Variants in ITFG2 observed in about 807,000 individuals in gnomAD.
ITFG2 encodes the protein KICSTOR complex protein ITFG2.
Under a neutral mutation model 54.4 loss-of-function variants are expected in ITFG2, and 36 were observed. The ratio of observed to expected loss-of-function variants is 0.66; its 90% confidence interval spans 0.51 to 0.87. ITFG2 has a LOEUF of 0.87. ITFG2 is among the 40% of genes least tolerant of loss of function. ITFG2 has a pLI of 0.00. For missense variants in ITFG2, 524 were observed against 576.7 expected (o/e 0.91, Z 0.94); for synonymous variants, 211 against 225.4 (o/e 0.94, Z 0.57).
At chr12:2,840,353 T>C (rs1029330365) in intron 1 of ITFG2, among the ~76,000 whole-genome samples, 2 of 150,610 alleles carry the variant, frequency 1.3e-5, no homozygotes, top group Non-Finnish European at 2.9e-5. Context: ...CTCGGGAGAT[T>C]GAGGCATGAG....
In ITFG2 at chr12:2,845,824, A is replaced by C. The variant is rs539070386; in HGVS notation, n.300+4829A>C. Among the ~76,000 whole-genome samples, 17 of 152,196 alleles carry C rather than the reference A, an allele frequency of 1.1e-4. No homozygotes were observed. Among genetic ancestry groups the C allele is most frequent in the African/African-American group, 4.1e-4 (17 of 41,532 alleles). On this transcript the variant is annotated intron_variant and non_coding_transcript_variant, in intron 2 of 3. Coordinates refer to the ITFG2 transcript ENST00000537710. This position sits in a 1 kb window ranked among gnomAD's most constrained non-coding sequence, Gnocchi z 4.2. ...TGGGGATGGAGTAAGGAGGTTGCTC[A>C]TGCTTGCCAGCCAAGTGTATGTAGG... is the stretch of plus-strand genomic sequence containing the variant.
chr12:2,813,345 C>G lies in ITFG2; in HGVS notation c.96+489C>G, dbSNP rs567331952. Among the ~76,000 whole-genome samples the G allele has an allele frequency of 5.9e-5, 9 of 152,308 alleles. No individual in the cohort carries two copies. The South Asian group carries it at 1.9e-3, about 32-fold the overall frequency. ...AGCAGGTAAAACAATGCCTGGCACA[C>G]AGTTTAGTGCTCACTTAAGTGTTAG... On this transcript the variant is annotated intron_variant, in intron 1 of 11. Transcript: ENST00000228799.
chr12:2,849,072 G>A (rs2098061643), intron 2 of ITFG2: 1 of 672,156 alleles, frequency 1.5e-6, no homozygotes, highest in African/African-American at 1.8e-5. Flanking sequence ...AATAGCCTGG[G>A]GTACAGAGGT....
At chr12:2,859,560 T>G (rs2098104940) in exon 4 of ITFG2, 1 of 1,613,952 alleles carries the variant, frequency 6.2e-7, no homozygotes, top group African/African-American at 1.3e-5. Flanking sequence ...CTTGATAGTC[T>G]GAACTGGAAG....
At chr12:2,856,932 G>A (rs7309114) in intron 2 of ITFG2, 170,251 of 702,798 alleles carry the variant, frequency 0.24, 23,023 homozygotes, top group East Asian at 0.4. Context: ...AAAGGTAGGC[G>A]GCAGAGATGG....
downstream of ITFG2, chr12:2,827,248 C>G: frequency 6.2e-7 from 1 of 1,614,144 alleles, no homozygotes; most frequent in South Asian, 1.1e-5. The surrounding 1 kb of genome is among the most constrained non-coding windows in gnomAD (Gnocchi z 4.0). Context: ...AAGGGTAGCT[C>G]TGAGAACGGG....
At chr12:2,834,651 G>A, upstream of ITFG2, 2 of 1,596,880 alleles carry the variant, frequency 1.3e-6, no homozygotes, top group African/African-American at 1.3e-5. Context: ...CCAAGTCCTT[G>A]GAGGTGCCGA....
downstream of ITFG2, chr12:2,830,957 AC>A (rs71441693): frequency 6.0e-5 from 70 of 1,166,472 alleles, no homozygotes; most frequent in Admixed American, 5.5e-4. Flanking sequence ...TGCTCCCCCC[AC>A]CCCCCCAGCC....
chr12:2,837,918 G>T (rs2098032493), intron 1 of ITFG2, among the ~76,000 whole-genome samples: 1 of 152,178 alleles, frequency 6.6e-6, no homozygotes. Flanking sequence ...TCTCTCCCAA[G>T]GTCTGTTCAA....
chr12:2,834,588 G>A, upstream of ITFG2: 2 of 1,524,250 alleles, frequency 1.3e-6, no homozygotes, highest in Non-Finnish European at 1.8e-6. Flanking sequence ...TCAGGATCTG[G>A]GAAGTGGAAG....
intron 1 of ITFG2, among the ~76,000 whole-genome samples, chr12:2,837,153 G>A (rs923318981): frequency 2.0e-5 from 3 of 152,030 alleles, no homozygotes; most frequent in African/African-American, 7.2e-5. Flanking sequence ...CCAACATGGT[G>A]AAACGCTGTC....
At chr12:2,856,651 C>A (rs558730392) in intron 2 of ITFG2, among the ~76,000 whole-genome samples, 13 of 152,228 alleles carry the variant, frequency 8.5e-5, no homozygotes, top group Non-Finnish European at 1.9e-4. Context: ...GCGTGAGCCA[C>A]TGTGCCTGGC....
downstream of ITFG2, chr12:2,827,884 G>A (rs755957163): frequency 2.3e-5 from 37 of 1,613,076 alleles, no homozygotes; most frequent in Non-Finnish European, 3.1e-5. The surrounding 1 kb of genome is among the most constrained non-coding windows in gnomAD (Gnocchi z 4.0). Flanking sequence ...CAAAGAGAAA[G>A]GTGAGGTGAG....
upstream of ITFG2, among the ~76,000 whole-genome samples, chr12:2,835,859 C>T (rs1376240057): frequency 1.3e-5 from 2 of 152,168 alleles, no homozygotes; most frequent in East Asian, 1.9e-4. Context: ...AGCAATATGT[C>T]GTTGGTTTTG....
At chr12:2,849,882 C>T (rs2098064535) in intron 2 of ITFG2, among the ~76,000 whole-genome samples, 1 of 152,212 alleles carries the variant, frequency 6.6e-6, no homozygotes, top group Non-Finnish European at 1.5e-5. Flanking sequence ...TCACAGAACT[C>T]AGCTCAACTG....
chr12:2,830,722 G>A (rs759417206), intron 2 of ITFG2: 3 of 1,612,338 alleles, frequency 1.9e-6, no homozygotes, highest in South Asian at 1.1e-5. Context: ...CAGTTGACCA[G>A]AAGAGCTGGA....
upstream of ITFG2, among the ~76,000 whole-genome samples, chr12:2,831,994 C>A (rs571742191): frequency 6.6e-6 from 1 of 152,090 alleles, no homozygotes; most frequent in East Asian, 1.9e-4. Context: ...GTCTCCAGAC[C>A]TGTTACCTTT....
At chr12:2,821,145 G>A in intron 6 of ITFG2, 117 bp from the exon 7 acceptor site, 1 of 847,516 alleles carries the variant, frequency 1.2e-6, no homozygotes, top group Non-Finnish European at 1.9e-6. Flanking sequence ...TAGGGTCAGT[G>A]GTAGGTTTCT....
At position 2,845,512 on chromosome 12, in the gene ITFG2, G is replaced by C. The variant is rs796748446; in HGVS notation, n.300+4517G>C. Among the ~76,000 whole-genome samples the C allele has an allele frequency of 5.9e-5, 9 of 152,306 alleles. No individual in the cohort carries two copies. In the South Asian group the frequency reaches 6.2e-4, roughly 11 times the overall value. Reference sequence around the variant, plus strand: ...ATGACACCAAGATCAGGCTTGGAAAGGGGGAGGTGGAGGGAGGGGAGTTTT... The same window carrying C: ...ATGACACCAAGATCAGGCTTGGAAACGGGGAGGTGGAGGGAGGGGAGTTTT... On this transcript the variant is annotated intron_variant and non_coding_transcript_variant, in intron 2 of 3. Coordinates refer to the ITFG2 transcript ENST00000537710. The surrounding 1 kb of genome is among the most constrained non-coding windows in gnomAD (Gnocchi z 4.2).
Sources: gnomAD v4.1 joint callset for allele counts (sites outside exome capture counted in the v4.1 genomes callset) on GRCh38, gnomAD v4.1.1 for gene constraint, Gnocchi (gnomAD v3.1) non-coding constraint, MANE v1.5 for transcripts, NCBI Gene and HGNC (gene_info 2026-07-23, HGNC 2026-07-21) for gene names.